Variants in PRKD1 observed in about 807,000 individuals in gnomAD.
PRKD1 encodes protein kinase D1.
PRKD1 carries 63 observed loss-of-function variants against 95.9 expected under a neutral mutation model. That is an observed-to-expected ratio of 0.66 (90% CI 0.54 to 0.81). The LOEUF (loss-of-function observed/expected upper bound fraction) is 0.81, where lower values mean the gene tolerates loss of function less well. Ranked by LOEUF, PRKD1 falls within the 30% of genes least tolerant of loss-of-function variation. The pLI, the probability that PRKD1 is intolerant of heterozygous loss-of-function variation, is 0.00. For synonymous variants in PRKD1, 425 were observed against 423.1 expected, an observed-to-expected ratio of 1.00 and a Z score of -0.05; for missense variants, 1,048 against 1,165.3, an observed-to-expected ratio of 0.90 and a Z score of 1.47.
chr14:29,873,754 A>T lies in PRKD1; in HGVS notation c.264+53495T>A, dbSNP rs537008417. Among the ~76,000 whole-genome samples the T allele has an allele frequency of 2.6e-4, 39 of 151,980 alleles. 1 individual carries two copies. The highest frequency in any genetic ancestry group is 3.9e-4 in the Admixed American group (6 of 15,260). ...AAAAAACACTGTAAAAATAGATGAA[A>T]TATTAGAGATTATGTTCATATTAAT... On this transcript the variant is annotated intron_variant, in intron 1 of 17. Transcript: ENST00000331968.
intron 1 of PRKD1, among the ~76,000 whole-genome samples, chr14:29,912,770 G>A (rs571037203): frequency 6.6e-6 from 1 of 152,254 alleles, no homozygotes; most frequent in East Asian, 1.9e-4. Flanking sequence ...ACACAATAAA[G>A]TACAACTTGA....
chr14:29,915,596 G>T (rs1309154970), intron 1 of PRKD1, among the ~76,000 whole-genome samples: 1 of 152,156 alleles, frequency 6.6e-6, no homozygotes, highest in African/African-American at 2.4e-5. Flanking sequence ...CCACCAATAA[G>T]AGAATCCTTG....
chr14:29,731,214 G>A (rs1236180751), intron 1 of PRKD1, among the ~76,000 whole-genome samples: 1 of 152,110 alleles, frequency 6.6e-6, no homozygotes, highest in Non-Finnish European at 1.5e-5. Context: ...GGGTTATTCA[G>A]AAGAGTGTTG....
chr14:29,805,263 A>G (rs1461598332), intron 1 of PRKD1, among the ~76,000 whole-genome samples: 2 of 152,096 alleles, frequency 1.3e-5, no homozygotes, highest in Non-Finnish European at 2.9e-5. Context: ...TAAAAATCAC[A>G]CCCATTGGCT....
chr14:29,636,541 C>A, intron 6 of PRKD1, 47 bp from the exon 7 acceptor site: 1 of 1,596,030 alleles, frequency 6.3e-7, no homozygotes, highest in South Asian at 1.1e-5. Context: ...AATCTTGGAG[C>A]CAGGGCTTAA....
At position 29,832,585 on chromosome 14, in the gene PRKD1, C is replaced by T. The variant is rs11846803; in HGVS notation, c.264+94664G>A. Among the ~76,000 whole-genome samples the T allele has an allele frequency of 9.5e-4, 145 of 152,048 alleles. 1 individual carries two copies. The highest frequency in any genetic ancestry group is 2.6e-3 in the African/African-American group (106 of 41,502). On this transcript the variant is annotated intron_variant, in intron 1 of 17. Transcript: ENST00000331968. ...ATAAAATCAAATTTATGTAACCATACGTTTTTCATCCAAAATGCTTATAAA... is the reference window on the plus strand; with the variant it reads ...ATAAAATCAAATTTATGTAACCATATGTTTTTCATCCAAAATGCTTATAAA...
At chr14:29,637,093 A>C (rs1880434941) in intron 6 of PRKD1, among the ~76,000 whole-genome samples, 1 of 152,236 alleles carries the variant, frequency 6.6e-6, no homozygotes, top group Non-Finnish European at 1.5e-5. Flanking sequence ...TAGAAGTAAA[A>C]TGCTAGAAGG....
chr14:29,757,675 TTC>T (rs2139478480), intron 1 of PRKD1, among the ~76,000 whole-genome samples: 1 of 151,698 alleles, frequency 6.6e-6, no homozygotes, highest in South Asian at 2.1e-4. Flanking sequence ...CAATTAATTT[TTC>T]TGTCCACAAT....
At chr14:29,624,710 A>G (rs1471377471) in intron 12 of PRKD1, among the ~76,000 whole-genome samples, 1 of 152,070 alleles carries the variant, frequency 6.6e-6, no homozygotes, top group African/African-American at 2.4e-5. Flanking sequence ...CAAATCACTC[A>G]CTCTTTCTGA....
chr14:29,598,035 G>A (rs1893373909), intron 15 of PRKD1, among the ~76,000 whole-genome samples: 1 of 152,026 alleles, frequency 6.6e-6, no homozygotes, highest in Admixed American at 6.6e-5. Context: ...TAACATTTTG[G>A]GAGGCTGAGG....
At chr14:29,744,114 C>CT (rs1435104946) in intron 1 of PRKD1, among the ~76,000 whole-genome samples, 1 of 152,180 alleles carries the variant, frequency 6.6e-6, no homozygotes, top group African/African-American at 2.4e-5. Context: ...ATTTCTAACT[C>CT]TATCATTGAG....
At chr14:29,757,756 A>T (rs1418292537) in intron 1 of PRKD1, among the ~76,000 whole-genome samples, 1 of 151,990 alleles carries the variant, frequency 6.6e-6, no homozygotes, top group Non-Finnish European at 1.5e-5. Context: ...TCTTTCAAAG[A>T]CTGGTTTAAA....
At chr14:29,633,436 T>C (rs1566500819) in intron 8 of PRKD1, among the ~76,000 whole-genome samples, 1 of 152,158 alleles carries the variant, frequency 6.6e-6, no homozygotes, top group Non-Finnish European at 1.5e-5. Flanking sequence ...AAGTAAAGAA[T>C]ATTTTGTTGG....
intron 1 of PRKD1, among the ~76,000 whole-genome samples, chr14:29,917,287 G>T (rs890216393): frequency 6.6e-6 from 1 of 152,072 alleles, no homozygotes; most frequent in African/African-American, 2.4e-5. Context: ...GACAACCTAG[G>T]AAAAGGCTCT....
At chr14:29,758,799 T>A (rs1015445168) in intron 1 of PRKD1, among the ~76,000 whole-genome samples, 8 of 152,182 alleles carry the variant, frequency 5.3e-5, no homozygotes, top group African/African-American at 1.9e-4. Context: ...AAAGCCAGGA[T>A]TAGAGAAGTC....
intron 6 of PRKD1, among the ~76,000 whole-genome samples, chr14:29,637,697 A>C (rs7145699): frequency 0.027 from 4,148 of 152,218 alleles, 172 homozygotes; most frequent in African/African-American, 0.088. Flanking sequence ...TTTCCTGGAG[A>C]GCTCTTCCTT....
intron 1 of PRKD1, among the ~76,000 whole-genome samples, chr14:29,840,936 G>C (rs150534070): frequency 0.029 from 4,435 of 152,290 alleles, 76 homozygotes; most frequent in Middle Eastern, 0.041. Context: ...ATCAGGGGTA[G>C]TGCTGACCAA....
intron 1 of PRKD1, among the ~76,000 whole-genome samples, chr14:29,859,477 G>A (rs927700720): frequency 6.6e-5 from 10 of 151,746 alleles, no homozygotes; most frequent in Non-Finnish European, 1.3e-4. Context: ...GCATAGTGGC[G>A]GGCGCCTGTG....
intron 1 of PRKD1, among the ~76,000 whole-genome samples, chr14:29,828,395 A>G (rs1198144226): frequency 6.6e-6 from 1 of 151,698 alleles, no homozygotes; most frequent in Non-Finnish European, 1.5e-5. Flanking sequence ...GCTCATTACC[A>G]TGAGGATAGC....
Sources: gnomAD v4.1 joint callset for allele counts (sites outside exome capture counted in the v4.1 genomes callset) on GRCh38, gnomAD v4.1.1 for gene constraint, MANE v1.5 for transcripts, NCBI Gene and HGNC (gene_info 2026-07-23, HGNC 2026-07-21) for gene names.